The following GABRG3 variants were observed in gnomAD, a reference collection of about 807,000 sequenced individuals.
The protein encoded by GABRG3 is gamma-aminobutyric acid receptor subunit gamma-3.
GABRG3 carries 25 observed loss-of-function variants against 48.8 expected under a neutral mutation model. The ratio of observed to expected loss-of-function variants is 0.51; its 90% CI spans 0.37 to 0.72. GABRG3 has a LOEUF of 0.72. GABRG3 is among the 30% of genes least tolerant of loss of function. The pLI is 0.00. For synonymous variants in GABRG3, 227 were observed against 217.6 expected (o/e 1.04, Z -0.38); for missense variants, 394 against 577.9 (o/e 0.68, Z 3.26).
intron 3 of GABRG3, among the ~76,000 whole-genome samples, chr15:27,103,214 T>C (rs1231545230): frequency 6.6e-6 from 1 of 152,200 alleles, no homozygotes; most frequent in Non-Finnish European, 1.5e-5. Context: ...CCTTACCTCT[T>C]CTTTGACGTA....
rs1392904306 is a variant in GABRG3, at chr15:27,536,629, G to A, written c.*3748G>A. On this transcript the variant is annotated 3_prime_UTR_variant, in exon 10 of 10. Coordinates refer to ENST00000615808, the MANE Select transcript of GABRG3 (RefSeq NM_033223.5). The stretch of plus-strand genomic sequence containing the variant: ...TTTTCACTCTACATAAGGGAAATTG[G>A]GGCCAATCTAAAATGTCAGCAACAC... 6.6e-6 allele frequency: 1 copy of A among 152,030 alleles called. No homozygotes were observed. The highest frequency in any genetic ancestry group is 1.5e-5 in the Non-Finnish European group (1 of 68,026). The allele number at this position is 152,030 out of a possible 1,614,324, so 9.4% of individuals were successfully genotyped here. A position where few individuals can be genotyped will look rare whatever the true frequency, so the allele number is the denominator to read the frequency against.
intron 2 of GABRG3, among the ~76,000 whole-genome samples, chr15:27,016,554 G>T (rs1895782730): frequency 6.6e-6 from 1 of 152,054 alleles, no homozygotes; most frequent in Non-Finnish European, 1.5e-5. Flanking sequence ...ACTTTTGACA[G>T]TTGGATTATG....
At chr15:27,472,817 T>G (rs1174057257) in intron 5 of GABRG3, among the ~76,000 whole-genome samples, 2 of 152,166 alleles carry the variant, frequency 1.3e-5, no homozygotes, top group African/African-American at 4.8e-5. Context: ...TATGTATGTA[T>G]GTATATATGT....
At position 27,403,135 on chromosome 15, in the gene GABRG3, A is replaced by T. The variant is rs564709404; in HGVS notation, c.574+74247A>T. Among the ~76,000 whole-genome samples, 22 of 152,318 alleles carry T rather than the reference A, an allele frequency of 1.4e-4. 1 individual carries two copies. The South Asian group carries it at 4.6e-3, about 32-fold the overall frequency. ...ACTAGAAACAATAAATTATAAAAGA[A>T]AAAAATTAAGACTGAAATTTAAGAA... On this transcript the variant is annotated intron_variant, in intron 5 of 9. Transcript: ENST00000615808.
chr15:27,198,954 A>G (rs1019449346), intron 3 of GABRG3, among the ~76,000 whole-genome samples: 2 of 151,838 alleles, frequency 1.3e-5, no homozygotes, highest in Admixed American at 6.6e-5. Flanking sequence ...ATGAGAACCT[A>G]TGGGCACAGA....
chr15:27,391,804 G>A (rs1016402738), intron 5 of GABRG3, among the ~76,000 whole-genome samples: 3 of 152,070 alleles, frequency 2.0e-5, no homozygotes, highest in East Asian at 3.9e-4. Context: ...TTTAAAACAC[G>A]GTTATATGAT....
Position 27,502,737 on chromosome 15 carries a change from TC to T in GABRG3, c.713-17234del, listed in dbSNP as rs1890671056. Among the ~76,000 whole-genome samples the T allele has an allele frequency of 3.9e-5, 6 of 152,342 alleles. No homozygotes were observed. In the South Asian group the frequency reaches 1.2e-3, roughly 32 times the overall value. On this transcript the variant is annotated intron_variant, in intron 6 of 9. Transcript: ENST00000615808. Reference sequence around the variant, plus strand: ...AATTTTCTGGAATGGCTCACAGAACTCAGGGAAATACTTATTTCAGATTACT... The same window carrying T: ...AATTTTCTGGAATGGCTCACAGAACTAGGGAAATACTTATTTCAGATTACT...
chr15:27,404,827 C>T (rs1011942965), intron 5 of GABRG3, among the ~76,000 whole-genome samples: 3 of 152,170 alleles, frequency 2.0e-5, no homozygotes, highest in African/African-American at 7.2e-5. Flanking sequence ...GGTGAGGAGT[C>T]CTTGTGCTCT....
intron 3 of GABRG3, among the ~76,000 whole-genome samples, chr15:27,134,718 G>T (rs2140385340): frequency 6.6e-6 from 1 of 152,314 alleles, no homozygotes; most frequent in Non-Finnish European, 1.5e-5. Flanking sequence ...GCCCTCCAGG[G>T]CTTCTGCTGC....
chr15:27,503,938 T>C (rs1890702393), intron 6 of GABRG3, among the ~76,000 whole-genome samples: 1 of 152,204 alleles, frequency 6.6e-6, no homozygotes, highest in Admixed American at 6.5e-5. Context: ...TCTTTATCTG[T>C]TGTGGTGTTC....
At chr15:26,996,549 G>T (rs1244655399) in intron 2 of GABRG3, among the ~76,000 whole-genome samples, 1 of 151,884 alleles carries the variant, frequency 6.6e-6, no homozygotes, top group Non-Finnish European at 1.5e-5. Flanking sequence ...GAATTCCTTT[G>T]TGTTTTTCTT....
intron 2 of GABRG3, among the ~76,000 whole-genome samples, chr15:27,025,035 A>AAAG (rs1381488097): frequency 6.6e-6 from 1 of 151,524 alleles, no homozygotes; most frequent in East Asian, 1.9e-4. Flanking sequence ...AAAAAAAAAA[A>AAAG]AAAAAAAAAG....
chr15:27,040,426 G>A (rs887907862), intron 3 of GABRG3, among the ~76,000 whole-genome samples: 19 of 152,240 alleles, frequency 1.2e-4, no homozygotes, highest in Admixed American at 1.2e-3. Flanking sequence ...GGGGTTGGAT[G>A]GGGTGGGGAA....
intron 2 of GABRG3, among the ~76,000 whole-genome samples, chr15:26,978,423 C>T (rs944163498): frequency 6.6e-6 from 1 of 151,940 alleles, no homozygotes; most frequent in Non-Finnish European, 1.5e-5. Flanking sequence ...TGAAAATTTT[C>T]TCCTTTGTGT....
At chr15:27,195,017 C>T (rs1250853987) in intron 3 of GABRG3, among the ~76,000 whole-genome samples, 1 of 152,186 alleles carries the variant, frequency 6.6e-6, no homozygotes, top group African/African-American at 2.4e-5. Flanking sequence ...GTCCTCAATT[C>T]TATACAGTCT....
chr15:27,414,101 CTACTG>C (rs1304366548), intron 5 of GABRG3, among the ~76,000 whole-genome samples: 1 of 152,180 alleles, frequency 6.6e-6, no homozygotes, highest in Admixed American at 6.5e-5. Flanking sequence ...TAGGTAACCT[CTACTG>C]AACTGAAGTT....
intron 5 of GABRG3, among the ~76,000 whole-genome samples, chr15:27,463,795 G>A (rs1007848668): frequency 6.6e-6 from 1 of 152,170 alleles, no homozygotes; most frequent in Non-Finnish European, 1.5e-5. Flanking sequence ...CACTGTGCAG[G>A]GGGAGGCTGA....
chr15:27,390,646 G>A (rs1896193810), intron 5 of GABRG3, among the ~76,000 whole-genome samples: 1 of 152,204 alleles, frequency 6.6e-6, no homozygotes, highest in African/African-American at 2.4e-5. Flanking sequence ...GTCCTATGGT[G>A]AGTCTGGTCA....
chr15:27,526,353 T>G (rs1566879707), intron 7 of GABRG3, among the ~76,000 whole-genome samples: 1 of 152,222 alleles, frequency 6.6e-6, no homozygotes, highest in Admixed American at 6.5e-5. Context: ...ATCTGTCCTG[T>G]GTACCTACTC....
Sources: allele counts gnomAD v4.1 joint callset (sites outside exome capture counted in the v4.1 genomes callset), GRCh38; gene constraint gnomAD v4.1.1; transcripts MANE v1.5; gene names NCBI Gene and HGNC (gene_info 2026-07-23, HGNC 2026-07-21).